The following DOCK5 variants were observed in gnomAD, a reference collection of about 807,000 sequenced individuals.
DOCK5 encodes dedicator of cytokinesis protein 5.
DOCK5 carries 142 observed loss-of-function variants against 251.8 expected under a neutral mutation model. That is an observed-to-expected ratio of 0.56 (90% CI 0.49 to 0.65). The LOEUF (loss-of-function observed/expected upper bound fraction) is 0.65. DOCK5 is among the 30% of genes least tolerant of loss of function. The pLI, the probability that DOCK5 is intolerant of heterozygous loss-of-function variation, is 0.00. For missense variants in DOCK5, 2,111 were observed against 2,312.3 expected (o/e 0.91, Z 1.79); for synonymous variants, 842 against 835.5 (o/e 1.01, Z -0.13).
At chr8:25,307,862 G>C (rs1035208514) in intron 11 of DOCK5, among the ~76,000 whole-genome samples, 1 of 152,198 alleles carries the variant, frequency 6.6e-6, no homozygotes, top group Non-Finnish European at 1.5e-5. Flanking sequence ...TATGGCAAGC[G>C]CTACTATAAT....
intron 1 of DOCK5, among the ~76,000 whole-genome samples, chr8:25,235,599 C>CTT (rs112515373): frequency 0.017 from 2,622 of 152,164 alleles, 89 homozygotes; most frequent in African/African-American, 0.06. Flanking sequence ...TGCTTTCCTG[C>CTT]TGTAAGCATT....
At chr8:25,370,840 T>C (rs776716296) in intron 34 of DOCK5, among the ~76,000 whole-genome samples, 1 of 151,736 alleles carries the variant, frequency 6.6e-6, no homozygotes, top group Non-Finnish European at 1.5e-5. Flanking sequence ...GACAGGGTCT[T>C]GCTATGTTGC....
At chr8:25,340,053 T>C (rs1399918124) in intron 22 of DOCK5, among the ~76,000 whole-genome samples, 1 of 152,150 alleles carries the variant, frequency 6.6e-6, no homozygotes, top group African/African-American at 2.4e-5. Flanking sequence ...GAAACATAGA[T>C]AACATCTAGG....
rs1267246299 is a variant in DOCK5 at position 25,380,283 on chromosome 8, C to G, written c.3937-22C>G. 1.9e-6 allele frequency: 3 copies of G among 1,595,888 alleles called. No homozygotes were observed. In the South Asian group the frequency reaches 3.4e-5, roughly 18 times the overall value. On this transcript the variant is annotated intron_variant, in intron 38 of 51. Transcript: ENST00000276440. ...TGACTGCCTTGTTCTCCACTTTTAA[C>G]CTTACTTTCCTTTTTCTGAAGATGT...
chr8:25,215,694 A>C (rs1435622858), intron 1 of DOCK5, among the ~76,000 whole-genome samples: 1 of 152,078 alleles, frequency 6.6e-6, no homozygotes, highest in African/African-American at 2.4e-5. Flanking sequence ...TGATTAGAAC[A>C]CATCTCTTTT....
intron 2 of DOCK5, among the ~76,000 whole-genome samples, chr8:25,266,974 C>T (rs1456785166): frequency 6.6e-6 from 1 of 152,126 alleles, no homozygotes; most frequent in African/African-American, 2.4e-5. Context: ...ATTGTGACAG[C>T]TTGGCTTTAT....
chr8:25,384,187 G>A (rs182977933), intron 40 of DOCK5, among the ~76,000 whole-genome samples: 24 of 152,260 alleles, frequency 1.6e-4, no homozygotes, highest in African/African-American at 2.2e-4. Flanking sequence ...AAAAGGCTGC[G>A]TACTCTGTGG....
chr8:25,332,318 A>T lies in DOCK5; in HGVS notation c.1971A>T (p.Leu657Phe), dbSNP rs1453170655. Reference protein sequence around the residue: ...SQNIKHNLKKLMEVDGGEIVK... With the variant: ...SQNIKHNLKKFMEVDGGEIVK... ...ACATTAAACACAACCTAAAGAAGTT[A>T]ATGGAAGTGGATGGAGGAGAGATTG... is the stretch of plus-strand genomic sequence containing the variant. The change falls in exon 19 of 52, where the codon TTA becomes TTT. Residue 657 changes from leucine (L) to phenylalanine (F), a missense_variant. Leu to Phe is a conservative substitution (Grantham distance 22). Around this residue, in one of 3 missense-constraint regions of DOCK5, gnomAD observed 1,717 missense variants for 1,892.4 expected, o/e 0.91. Coordinates refer to ENST00000276440, the MANE Select transcript of DOCK5 (RefSeq NM_024940.8). 2 of 1,613,484 alleles carry T rather than the reference A, an allele frequency of 1.2e-6. No individual in the cohort carries two copies. The highest frequency in any genetic ancestry group is 2.7e-5 in the African/African-American group (2 of 74,906).
rs1354579671 is a variant in DOCK5, at chr8:25,184,877, A to G, written c.-32A>G. The G allele has an allele frequency of 2.9e-6, 4 of 1,361,988 alleles. No individual in the cohort carries two copies. In the East Asian group the frequency reaches 8.8e-5, roughly 30 times the overall value. The allele number at this position is 1,361,988 out of a possible 1,614,324, so 84.4% of individuals were successfully genotyped here. ...GAGCCCGAGGAGCTGTAGCAGCCTT[A>G]GTCGCCGCCGCCGCGGGGCGAGGTC... On this transcript the variant is annotated 5_prime_UTR_variant, in exon 1 of 52. Coordinates refer to ENST00000276440, the MANE Select transcript of DOCK5 (RefSeq NM_024940.8).
intron 1 of DOCK5, among the ~76,000 whole-genome samples, chr8:25,237,075 T>C (rs969635401): frequency 1.1e-4 from 16 of 152,246 alleles, no homozygotes; most frequent in African/African-American, 3.9e-4. Context: ...ATTAGAAATA[T>C]TCATTACTTG....
intron 5 of DOCK5, among the ~76,000 whole-genome samples, chr8:25,282,109 A>T (rs1169359784): frequency 2.6e-5 from 4 of 152,178 alleles, no homozygotes; most frequent in Admixed American, 6.5e-5. Flanking sequence ...TCCAGTAAGG[A>T]ACAATCCACT....
chr8:25,236,589 T>C (rs569665619), intron 1 of DOCK5, among the ~76,000 whole-genome samples: 1 of 152,106 alleles, frequency 6.6e-6, no homozygotes, highest in African/African-American at 2.4e-5. Context: ...ATCTTTTTTT[T>C]ATTTTTTTTG....
intron 12 of DOCK5, 112 bp from the exon 13 acceptor site, chr8:25,310,289 AATTTAC>A: frequency 9.6e-7 from 1 of 1,036,924 alleles, no homozygotes; most frequent in Non-Finnish European, 1.3e-6. Context: ...ACTGGGGGAG[AATTTAC>A]ATCTTTACAG....
At chr8:25,271,158 T>C in intron 3 of DOCK5, 1 of 211,284 alleles carries the variant, frequency 4.7e-6, no homozygotes, top group Admixed American at 7.7e-5. Context: ...AAATGATAAA[T>C]TCTGGATTTT....
intron 1 of DOCK5, among the ~76,000 whole-genome samples, chr8:25,191,600 A>G (rs886254555): frequency 3.3e-5 from 5 of 152,152 alleles, no homozygotes; most frequent in African/African-American, 4.8e-5. Flanking sequence ...AGGGGTTCTG[A>G]GACAAACATT....
chr8:25,294,192 C>T (rs555942898), intron 6 of DOCK5, among the ~76,000 whole-genome samples: 3 of 152,252 alleles, frequency 2.0e-5, no homozygotes, highest in Non-Finnish European at 4.4e-5. Flanking sequence ...TCTTGGAAGT[C>T]GCTCAGGAAA....
rs1331719696 is a variant in DOCK5 at position 25,303,637 on chromosome 8, A to G, written c.977-618A>G. ...TGGACCTTTGGTTCCATACTTACTA[A>G]AAAGTAACCTGATGTTAAATTTCTC... On this transcript the variant is annotated intron_variant, in intron 10 of 51. Transcript: ENST00000276440. 2.0e-5 allele frequency among the ~76,000 whole-genome samples: 3 copies of G among 152,210 alleles called. No homozygotes were observed. In the East Asian group the frequency reaches 5.8e-4, roughly 29 times the overall value.
At chr8:25,250,312 C>A (rs567591503) in intron 2 of DOCK5, among the ~76,000 whole-genome samples, 193 of 152,302 alleles carry the variant, frequency 1.3e-3, no homozygotes, top group South Asian at 1.0e-3. Context: ...ACTGCTCATC[C>A]GTTACAGGTC....
intron 3 of DOCK5, 150 bp downstream of exon 3, chr8:25,269,035 C>A: frequency 4.5e-6 from 3 of 668,788 alleles, no homozygotes; most frequent in South Asian, 3.5e-5. Context: ...AAAGCAAATT[C>A]TCTGACCTCA....
Sources: gnomAD v4.1 joint callset for allele counts (sites outside exome capture counted in the v4.1 genomes callset) on GRCh38, gnomAD v4.1.1 for gene constraint, gnomAD v4.1.1 regional missense constraint, MANE v1.5 for transcripts, NCBI Gene and HGNC (gene_info 2026-07-23, HGNC 2026-07-21) for gene names.